Variants in RCC1 observed in about 807,000 individuals in gnomAD.
RCC1 encodes regulator of chromosome condensation.
Under a neutral mutation model 44.4 loss-of-function variants are expected in RCC1, and 11 were observed. That is an observed-to-expected ratio of 0.25 (90% confidence interval 0.16 to 0.41). The LOEUF is 0.41. Ranked by LOEUF, RCC1 falls within the 10% of genes least tolerant of loss-of-function variation. The pLI is 1.00. For missense variants in RCC1, 386 were observed against 547.1 expected (o/e 0.71, Z 2.94); for synonymous variants, 213 against 216.5 (o/e 0.98, Z 0.14).
intron 4 of RCC1, chr1:28,518,699 T>G (rs1221027524): frequency 6.6e-6 from 1 of 151,874 alleles, no homozygotes; most frequent in East Asian, 1.9e-4. Flanking sequence ...TTGTCCGGCA[T>G]GCGCTTGGAG....
At chr1:28,530,157 C>CAAAA (rs71805038) in intron 5 of RCC1, among the ~76,000 whole-genome samples, 2 of 119,042 alleles carry the variant, frequency 1.7e-5, no homozygotes, top group Non-Finnish European at 3.5e-5. Flanking sequence ...AGCACTGGCA[C>CAAAA]AAAAAAAAAA....
chr1:28,536,403 C>G lies in RCC1; in HGVS notation c.937+22C>G, dbSNP rs1557881454. ...GAAGGTAGGGCCTTTACGTCCTTCT[C>G]TAGTTTGGGGGTGGAGTGTTCCCTG... On this transcript the variant is annotated intron_variant, in intron 11 of 12. Transcript: ENST00000683442. The surrounding 1 kb of genome is among the most constrained non-coding windows in gnomAD (Gnocchi z 4.9). The G allele has an allele frequency of 1.2e-6, 2 of 1,609,666 alleles. No individual in the cohort carries two copies. The highest frequency in any genetic ancestry group is 2.2e-5 in the South Asian group (2 of 90,614).
chr1:28,521,306 C>T (rs914103351), intron 4 of RCC1, among the ~76,000 whole-genome samples: 6 of 151,810 alleles, frequency 4.0e-5, no homozygotes, highest in Non-Finnish European at 7.4e-5. Flanking sequence ...TCGAGACCAT[C>T]CTGGCTAACA....
intron 3 of RCC1, chr1:28,510,460 TAA>T (rs1662445112): frequency 6.6e-6 from 1 of 152,136 alleles, no homozygotes; most frequent in African/African-American, 2.4e-5. Flanking sequence ...CTGTCTGTAC[TAA>T]AAATACAAAA....
chr1:28,523,706 T>C (rs530358333), intron 4 of RCC1, among the ~76,000 whole-genome samples: 1 of 152,346 alleles, frequency 6.6e-6, no homozygotes, highest in South Asian at 2.1e-4. Context: ...TGTGAGTACT[T>C]TTCATGCTAA....
chr1:28,508,415 C>T (rs1662206897), intron 2 of RCC1: 2 of 373,138 alleles, frequency 5.4e-6, no homozygotes, highest in Middle Eastern at 3.8e-4. Flanking sequence ...GTAGTAAAAG[C>T]TGCCCTAGTG....
At position 28,517,807 on chromosome 1, in the gene RCC1, C is replaced by T. The variant is rs114828406; in HGVS notation, c.-10+940C>T. ...ACGTCGCTTCTCCTAGGATGTCCTG[C>T]CCCCCTAGACTTAACTTGGAAAGCT... On this transcript the variant is annotated intron_variant, in intron 4 of 12. Coordinates refer to ENST00000683442, the MANE Select transcript of RCC1 (RefSeq NM_001381865.2). Among the ~76,000 whole-genome samples, 1,310 of 152,170 alleles carry T rather than the reference C, an allele frequency of 8.6e-3. 18 individuals are homozygous for T. The highest frequency in any genetic ancestry group is 0.03 in the African/African-American group (1,250 of 41,524).
At chr1:28,515,479 G>C (rs1403859159) in intron 3 of RCC1, among the ~76,000 whole-genome samples, 1 of 151,464 alleles carries the variant, frequency 6.6e-6, no homozygotes, top group Non-Finnish European at 1.5e-5. Context: ...CACTTTGGGA[G>C]GCCGAGATGG....
rs1664720845 is a variant in RCC1, at chr1:28,538,829, CAG to C, written c.*825_*826del. 1 of 152,044 alleles carries C rather than the reference CAG, an allele frequency of 6.6e-6. No homozygotes were observed. Among genetic ancestry groups the C allele is most frequent in the Non-Finnish European group, 1.5e-5 (1 of 68,046 alleles). The allele number at this position is 152,044 out of a possible 1,614,324, so 9.4% of individuals were successfully genotyped here. A position where few individuals can be genotyped will look rare whatever the true frequency, so the allele number is the denominator to read the frequency against. ...AGGAGGTGGGGGATTGAGGGAGGGA[CAG>C]AGTGTTGGAGGGCCAGAGACTAGTC... On this transcript the variant is annotated 3_prime_UTR_variant, in exon 13 of 13. Coordinates refer to ENST00000683442, the MANE Select transcript of RCC1 (RefSeq NM_001381865.2).
chr1:28,529,725 G>C, intron 4 of RCC1, 133 bp from the exon 5 acceptor site: 5 of 681,336 alleles, frequency 7.3e-6, no homozygotes, highest in Middle Eastern at 2.5e-4. Flanking sequence ...TTCTGTTCTT[G>C]GGATACATTT....
intron 4 of RCC1, among the ~76,000 whole-genome samples, chr1:28,528,578 A>G (rs1663851709): frequency 6.6e-6 from 1 of 152,058 alleles, no homozygotes; most frequent in Non-Finnish European, 1.5e-5. Context: ...CAGTGAGCTG[A>G]GATCATGCCT....
At chr1:28,531,505 G>C (rs961532015) in intron 5 of RCC1, among the ~76,000 whole-genome samples, 3 of 151,856 alleles carry the variant, frequency 2.0e-5, no homozygotes, top group Non-Finnish European at 2.9e-5. Context: ...GTGAGCCACC[G>C]CACCCAGCCC....
intron 3 of RCC1, chr1:28,510,599 A>T (rs558523711): frequency 6.6e-5 from 10 of 152,096 alleles, no homozygotes; most frequent in Non-Finnish European, 1.3e-4. Flanking sequence ...TTAAGTCTCA[A>T]AAAAAAGGCA....
intron 3 of RCC1, among the ~76,000 whole-genome samples, chr1:28,511,768 C>T (rs1176860875): frequency 4.0e-5 from 6 of 151,830 alleles, no homozygotes; most frequent in African/African-American, 9.7e-5. Context: ...TCCAGCAATT[C>T]TCCCACCTCA....
In RCC1 at chr1:28,536,908, G is replaced by C. The variant is rs1165959742; in HGVS notation, c.1090+9G>C. ...TGCTGTGACCAAGGATGGTGAGTGG[G>C]GCTGCCTACACTCTGTCTAGTTGGG... On this transcript the variant is annotated intron_variant, in intron 12 of 12. Coordinates refer to ENST00000683442, the MANE Select transcript of RCC1 (RefSeq NM_001381865.2). The surrounding 1 kb of genome is among the most constrained non-coding windows in gnomAD (Gnocchi z 4.9). 6.2e-7 allele frequency: 1 copy of C among 1,613,752 alleles called. No individual in the cohort carries two copies. The highest frequency in any genetic ancestry group is 2.2e-5 in the East Asian group (1 of 44,848).
At chr1:28,519,116 T>C (rs1487979757) in intron 4 of RCC1, among the ~76,000 whole-genome samples, 1 of 152,134 alleles carries the variant, frequency 6.6e-6, no homozygotes, top group Non-Finnish European at 1.5e-5. Context: ...GAAGTGACTC[T>C]TGAATGGGGT....
intron 4 of RCC1, among the ~76,000 whole-genome samples, chr1:28,523,255 A>G (rs570830853): frequency 6.6e-6 from 1 of 151,848 alleles, no homozygotes. Flanking sequence ...TCCTGACCTC[A>G]TGATCCGCCC....
chr1:28,510,302 T>G (rs1020294265), intron 3 of RCC1: 5 of 152,168 alleles, frequency 3.3e-5, no homozygotes, highest in African/African-American at 9.7e-5. Flanking sequence ...ACAGCTTGAT[T>G]TTTCTTACAA....
At chr1:28,506,359 ATTC>A (rs1294716847) in intron 1 of RCC1, 14 of 393,642 alleles carry the variant, frequency 3.6e-5, no homozygotes, top group Non-Finnish European at 6.0e-5. Context: ...CAATTTTTGT[ATTC>A]TTAGTGGAGA....
Sources: allele counts gnomAD v4.1 joint callset (sites outside exome capture counted in the v4.1 genomes callset), GRCh38; gene constraint gnomAD v4.1.1; non-coding constraint Gnocchi (gnomAD v3.1); transcripts MANE v1.5; gene names NCBI Gene and HGNC (gene_info 2026-07-23, HGNC 2026-07-21).